SPATS1: variants seen among roughly 807,000 people sequenced by gnomAD.
The protein encoded by SPATS1 is spermatogenesis associated serine rich 1.
SPATS1 carries 23 observed loss-of-function variants against 33.6 expected under a neutral mutation model. That is an observed-to-expected ratio of 0.68 (90% CI 0.49 to 0.97). SPATS1 has a LOEUF of 0.97. Ranked by LOEUF, SPATS1 falls within the 50% of genes least tolerant of loss-of-function variation. The pLI is 0.00. For missense variants in SPATS1, 327 were observed against 361.0 expected, an observed-to-expected ratio of 0.91 and a Z score of 0.76; for synonymous variants, 131 against 125.6, an observed-to-expected ratio of 1.04 and a Z score of -0.29.
At position 44,354,907 on chromosome 6, in the gene SPATS1, C is replaced by T. The variant is rs569756590; in HGVS notation, c.287+2034C>T. On this transcript the variant is annotated intron_variant, in intron 3 of 8. Coordinates refer to ENST00000674044, the MANE Select transcript of SPATS1 (RefSeq NM_001372081.1). ...ATGACTCACTGCAGCCCTGACCTCC[C>T]AGGCTGAAGCAATCCTCCTGCCTCA... Among the ~76,000 whole-genome samples, 5 of 152,302 alleles carry T rather than the reference C, an allele frequency of 3.3e-5. No homozygotes were observed. The South Asian group carries it at 1.0e-3, about 32-fold the overall frequency.
intron 3 of SPATS1, among the ~76,000 whole-genome samples, chr6:44,358,232 T>G (rs1188259712): frequency 6.6e-6 from 1 of 152,138 alleles, no homozygotes; most frequent in African/African-American, 2.4e-5. Flanking sequence ...TAAATATGAG[T>G]GACGCATTGT....
intron 3 of SPATS1, among the ~76,000 whole-genome samples, chr6:44,353,687 A>T (rs1251907907): frequency 6.6e-6 from 1 of 152,154 alleles, no homozygotes; most frequent in South Asian, 2.1e-4. Flanking sequence ...TTTTTGTTAC[A>T]ATGGAAGTAA....
Position 44,375,102 on chromosome 6 carries a change from T to C in SPATS1, c.759-1256T>C, listed in dbSNP as rs116084773. 7.7e-3 allele frequency among the ~76,000 whole-genome samples: 1,179 copies of C among 152,334 alleles called. 8 individuals are homozygous for C. The highest frequency in any genetic ancestry group is 0.013 in the Non-Finnish European group (857 of 68,030). On this transcript the variant is annotated intron_variant, in intron 7 of 8. Coordinates refer to ENST00000674044, the MANE Select transcript of SPATS1 (RefSeq NM_001372081.1). Reference sequence around the variant, plus strand: ...GACCACATGCAGCCCAGAAATGTCCTTTCAGGTCTCAGTGGCTCTGGGAAG... The same window carrying C: ...GACCACATGCAGCCCAGAAATGTCCCTTCAGGTCTCAGTGGCTCTGGGAAG...
chr6:44,351,382 C>A (rs1788233670), intron 2 of SPATS1, among the ~76,000 whole-genome samples: 1 of 152,056 alleles, frequency 6.6e-6, no homozygotes, highest in Non-Finnish European at 1.5e-5. Context: ...TGGAACCAAT[C>A]CCCCGTCGAT....
At chr6:44,371,944 CA>C (rs1217507871) in intron 7 of SPATS1, among the ~76,000 whole-genome samples, 14,289 of 67,724 alleles carry the variant, frequency 0.21, 871 homozygotes, top group East Asian at 0.47. Context: ...GACTCCGTCT[CA>C]AAAAAAAAAA....
intron 7 of SPATS1, among the ~76,000 whole-genome samples, chr6:44,375,156 C>T (rs570306845): frequency 6.6e-6 from 1 of 152,262 alleles, no homozygotes; most frequent in South Asian, 2.1e-4. Flanking sequence ...AGCCAAGGTC[C>T]CAGCAGAAAA....
chr6:44,375,263 G>A (rs768212752), intron 7 of SPATS1, among the ~76,000 whole-genome samples: 1 of 152,206 alleles, frequency 6.6e-6, no homozygotes, highest in Non-Finnish European at 1.5e-5. Context: ...ATGGGAGGGT[G>A]AAGCACCCAG....
At chr6:44,348,429 C>A (rs1788032225) in intron 2 of SPATS1, among the ~76,000 whole-genome samples, 1 of 150,462 alleles carries the variant, frequency 6.6e-6, no homozygotes, top group African/African-American at 2.4e-5. Context: ...TCCTTAAAAT[C>A]TTTTCGGGGG....
At chr6:44,369,575 A>T (rs1173819066) in intron 6 of SPATS1, among the ~76,000 whole-genome samples, 1 of 151,938 alleles carries the variant, frequency 6.6e-6, no homozygotes, top group Non-Finnish European at 1.5e-5. Flanking sequence ...AAAATAAAAT[A>T]ATATAAAATC....
chr6:44,357,103 C>T (rs546530166), intron 3 of SPATS1, among the ~76,000 whole-genome samples: 2 of 152,286 alleles, frequency 1.3e-5, no homozygotes, highest in East Asian at 1.9e-4. Context: ...TTCATATGAA[C>T]TGCAAGTCCT....
rs1315538169 is a variant in SPATS1 at position 44,342,737 on chromosome 6, G to T, written c.-32G>T. ...TCTCAGGCCTCGGCGTGCGGCGTGC[G>T]TTCGGCAGTTCAGTTGCCAGTTGGT... On this transcript the variant is annotated 5_prime_UTR_variant, in exon 1 of 9. Transcript: ENST00000674044. The T allele has an allele frequency of 6.4e-6, 3 of 469,298 alleles. No homozygotes were observed. The highest frequency in any genetic ancestry group is 2.3e-5 in the Admixed American group (1 of 42,804). The allele number at this position is 469,298 out of a possible 1,614,324, so 29.1% of individuals were successfully genotyped here.
intron 2 of SPATS1, among the ~76,000 whole-genome samples, chr6:44,344,408 T>TGC (rs943116986): frequency 2.0e-5 from 3 of 151,714 alleles, no homozygotes; most frequent in Non-Finnish European, 4.4e-5. Context: ...TGTGTGTGTG[T>TGC]GTGTGTGTGT....
Position 44,352,816 on chromosome 6 carries a change from A to C in SPATS1, c.230A>C (p.Glu77Ala). ...AGTGTCAGTTCCTCATCTTCTGTGGAAACAGGCCCAAGTGTCAGTGAGCCT... is the reference window on the plus strand; with the variant it reads ...AGTGTCAGTTCCTCATCTTCTGTGGCAACAGGCCCAAGTGTCAGTGAGCCT... ...GKSVSSSSSV[E>A]TGPSVSEPPG... Residue 77 changes from glutamate (E) to alanine (A), a missense_variant, in exon 3 of 9, where the codon GAA becomes GCA. By Grantham distance (107) the Glu-to-Ala change is moderately radical. Transcript: ENST00000674044. 1 of 1,614,176 alleles carries C rather than the reference A, an allele frequency of 6.2e-7. No homozygotes were observed. The highest frequency in any genetic ancestry group is 1.1e-5 in the South Asian group (1 of 91,078).
intron 4 of SPATS1, chr6:44,361,565 A>C: frequency 1.0e-6 from 1 of 981,864 alleles, no homozygotes; most frequent in Non-Finnish European, 1.2e-6. Flanking sequence ...CCAAACATAA[A>C]GTTGGCTTTA....
At chr6:44,356,647 T>G (rs1234972037) in intron 3 of SPATS1, among the ~76,000 whole-genome samples, 5 of 152,146 alleles carry the variant, frequency 3.3e-5, no homozygotes, top group Non-Finnish European at 7.3e-5. Flanking sequence ...AGAGTTCAGT[T>G]CCCCACTGGC....
In SPATS1 at chr6:44,366,723, C is replaced by T. The variant is rs962536098; in HGVS notation, c.575-1656C>T. Among the ~76,000 whole-genome samples, 8 of 152,128 alleles carry T rather than the reference C, an allele frequency of 5.3e-5. No individual in the cohort carries two copies. In the South Asian group the frequency reaches 6.2e-4, roughly 12 times the overall value. ...ATTTATACCTCAGCTATATAGCAAT[C>T]GTATCCTCCAGATTAAAAAATAATT... On this transcript the variant is annotated intron_variant, in intron 5 of 8. Transcript: ENST00000674044.
chr6:44,364,149 T>C (rs1789101959), intron 5 of SPATS1, among the ~76,000 whole-genome samples: 1 of 152,360 alleles, frequency 6.6e-6, no homozygotes, highest in South Asian at 2.1e-4. Context: ...TATTATTTCA[T>C]CTCTAAATAT....
chr6:44,344,218 C>T (rs1233411161), intron 2 of SPATS1, among the ~76,000 whole-genome samples: 2 of 152,098 alleles, frequency 1.3e-5, no homozygotes, highest in South Asian at 2.1e-4. Context: ...TCCATGTTTT[C>T]GAGTTAGGGG....
At position 44,378,216 on chromosome 6, in the gene SPATS1, G is replaced by T. The variant is rs1020689045; in HGVS notation, c.*1153G>T. ...CAAGAAGCAAACATTTGGAGGAAAAGGTGAAAACAAAAGCTGCCTCACAGG... is the reference window on the plus strand; with the variant it reads ...CAAGAAGCAAACATTTGGAGGAAAATGTGAAAACAAAAGCTGCCTCACAGG... On this transcript the variant is annotated 3_prime_UTR_variant, in exon 9 of 9. Transcript: ENST00000674044. 1 of 152,058 alleles carries T rather than the reference G, an allele frequency of 6.6e-6. No homozygotes were observed. The highest frequency in any genetic ancestry group is 2.4e-5 in the African/African-American group (1 of 41,388). 9.4% of individuals were successfully genotyped at this position (152,058 alleles called of 1,614,324 possible). A position where few individuals can be genotyped will look rare whatever the true frequency, so the allele number is the denominator to read the frequency against.
Sources: gnomAD v4.1 joint callset for allele counts (sites outside exome capture counted in the v4.1 genomes callset) on GRCh38, gnomAD v4.1.1 for gene constraint, MANE v1.5 for transcripts, NCBI Gene and HGNC (gene_info 2026-07-23, HGNC 2026-07-21) for gene names.